The following PTPRJ variants were observed in gnomAD, a reference collection of about 807,000 sequenced individuals.
The protein encoded by PTPRJ is receptor-type tyrosine-protein phosphatase eta.
A neutral mutation model predicts 141.3 loss-of-function variants in PTPRJ; 129 were observed. That is an observed-to-expected ratio of 0.91 (90% CI 0.79 to 1.06). PTPRJ has a LOEUF of 1.06. Ranked by LOEUF, PTPRJ falls within the 50% of genes least tolerant of loss-of-function variation. The pLI, the probability that PTPRJ is intolerant of heterozygous loss-of-function variation, is 0.00. For missense variants in PTPRJ, 1,601 were observed against 1,679.7 expected (o/e 0.95, Z 0.82); for synonymous variants, 610 against 640.5 (o/e 0.95, Z 0.72).
At position 48,130,076 on chromosome 11, in the gene PTPRJ, A is replaced by G. The variant is rs78086641; in HGVS notation, c.1358-383A>G. 2.6e-3 allele frequency among the ~76,000 whole-genome samples: 395 copies of G among 151,170 alleles called. 1 individual carries two copies. Among genetic ancestry groups the G allele is most frequent in the Non-Finnish European group, 4.4e-3 (301 of 67,868 alleles). On this transcript the variant is annotated intron_variant, in intron 7 of 24. Coordinates refer to ENST00000418331, the MANE Select transcript of PTPRJ (RefSeq NM_002843.4). ...GGGGGAATGGATTTTGGGGGTCAAGACTGGTCTCTCTCTGCTGTCCCTCCC... is the reference window on the plus strand; with the variant it reads ...GGGGGAATGGATTTTGGGGGTCAAGGCTGGTCTCTCTCTGCTGTCCCTCCC...
intron 1 of PTPRJ, among the ~76,000 whole-genome samples, chr11:47,990,226 A>C (rs1258278355): frequency 6.6e-6 from 1 of 152,150 alleles, no homozygotes; most frequent in African/African-American, 2.4e-5. Flanking sequence ...AATACTCTCC[A>C]AGATATCTAA....
intron 1 of PTPRJ, among the ~76,000 whole-genome samples, chr11:47,988,506 T>C (rs1373624587): frequency 6.6e-6 from 1 of 152,044 alleles, no homozygotes; most frequent in African/African-American, 2.4e-5. Flanking sequence ...CCACCATGCC[T>C]GACCATGACT....
At chr11:48,118,519 A>C (rs139428585) in intron 3 of PTPRJ, among the ~76,000 whole-genome samples, 4 of 152,364 alleles carry the variant, frequency 2.6e-5, no homozygotes, top group African/African-American at 9.6e-5. Flanking sequence ...GATACAACCC[A>C]AAACACTATA....
intron 18 of PTPRJ, among the ~76,000 whole-genome samples, chr11:48,153,272 C>T (rs146480860): frequency 2.2e-4 from 12 of 53,534 alleles, no homozygotes; most frequent in Non-Finnish European, 3.2e-4. Flanking sequence ...TGGTGGCTCA[C>T]GCCTGTAATC....
intron 1 of PTPRJ, among the ~76,000 whole-genome samples, chr11:48,023,108 G>A (rs1403506520): frequency 2.0e-5 from 3 of 152,142 alleles, no homozygotes; most frequent in African/African-American, 7.2e-5. Flanking sequence ...TCCTTATTTG[G>A]ATAAGGCAAC....
At chr11:48,113,658 T>A (rs1215774222) in intron 3 of PTPRJ, among the ~76,000 whole-genome samples, 1 of 152,186 alleles carries the variant, frequency 6.6e-6, no homozygotes, top group Non-Finnish European at 1.5e-5. Flanking sequence ...TCTTTCAAGG[T>A]ATTTCTGGGT....
chr11:48,165,290 A>G (rs917952503), intron 24 of PTPRJ, among the ~76,000 whole-genome samples: 1 of 152,216 alleles, frequency 6.6e-6, no homozygotes, highest in Non-Finnish European at 1.5e-5. Flanking sequence ...ATCCTCACCC[A>G]GACTTGTACA....
intron 1 of PTPRJ, among the ~76,000 whole-genome samples, chr11:48,008,589 A>C (rs1854687069): frequency 7.8e-6 from 1 of 127,932 alleles, no homozygotes; most frequent in South Asian, 2.5e-4. Context: ...TTTGAGTTGA[A>C]GTTTTGCTCT....
intron 1 of PTPRJ, among the ~76,000 whole-genome samples, chr11:47,981,420 C>T (rs1222476074): frequency 6.6e-6 from 1 of 152,102 alleles, no homozygotes; most frequent in African/African-American, 2.4e-5. Context: ...TGAGCCTTTG[C>T]CGACAGACCT....
intron 9 of PTPRJ, among the ~76,000 whole-genome samples, 180 bp from the exon 10 acceptor site, chr11:48,136,823 T>C (rs1857112063): frequency 1.3e-5 from 2 of 152,214 alleles, no homozygotes; most frequent in Admixed American, 1.3e-4. Context: ...TTTTGAGACT[T>C]AATCTGTATA....
At chr11:48,045,073 C>G (rs759574155) in intron 1 of PTPRJ, among the ~76,000 whole-genome samples, 35 of 152,150 alleles carry the variant, frequency 2.3e-4, no homozygotes, top group Non-Finnish European at 4.9e-4. Flanking sequence ...TTCCTCTTTT[C>G]CCCCGTAATT....
intron 1 of PTPRJ, among the ~76,000 whole-genome samples, chr11:48,013,525 T>C (rs1198800875): frequency 6.6e-6 from 1 of 152,134 alleles, no homozygotes; most frequent in Admixed American, 6.5e-5. Context: ...CTAGGGAAGC[T>C]CTGTGGTATG....
At chr11:48,156,630 G>T (rs1857614054) in intron 21 of PTPRJ, among the ~76,000 whole-genome samples, 3 of 138,842 alleles carry the variant, frequency 2.2e-5, no homozygotes, top group Admixed American at 7.8e-5. Flanking sequence ...GGTCTCCTCT[G>T]TCAGCCAGCC....
intron 21 of PTPRJ, among the ~76,000 whole-genome samples, chr11:48,159,212 G>A (rs1172549476): frequency 2.0e-5 from 3 of 150,410 alleles, no homozygotes; most frequent in Non-Finnish European, 4.4e-5. Flanking sequence ...GGTGTTTCCT[G>A]GTTATTTCTG....
At chr11:48,124,137 T>C (rs1856779578) in intron 5 of PTPRJ, among the ~76,000 whole-genome samples, 1 of 152,206 alleles carries the variant, frequency 6.6e-6, no homozygotes. Context: ...GAGGCCCCTT[T>C]AGCTTTCTAT....
intron 1 of PTPRJ, among the ~76,000 whole-genome samples, chr11:47,998,001 G>A (rs1854389688): frequency 6.6e-6 from 1 of 152,140 alleles, no homozygotes. Context: ...GAGTGAGGTA[G>A]GATTTGCTTT....
rs778152808 is a variant in PTPRJ at position 48,149,474 on chromosome 11, C to T, written c.3027C>T (p.Ser1009=). 5 of 1,515,644 alleles carry T rather than the reference C, an allele frequency of 3.3e-6. No individual in the cohort carries two copies. Among genetic ancestry groups the T allele is most frequent in the African/African-American group, 1.4e-5 (1 of 71,744 alleles). 93.9% of individuals were successfully genotyped at this position (1,515,644 alleles called of 1,614,324 possible). A position where few individuals can be genotyped will look rare whatever the true frequency, so the allele number is the denominator to read the frequency against. ...KRKDAKNNEV[S]FSQIKPKKSK... ...AAGATGCAAAGAATAATGAAGTGTC[C>T]TTTTCTCAAATTAAGTAAGTCTCTC... Residue 1009 remains serine, a synonymous_variant, in exon 16 of 25, where the codon TCC becomes TCT. Transcript: ENST00000418331.
At chr11:48,145,778 C>T (rs1179846518) in intron 14 of PTPRJ, among the ~76,000 whole-genome samples, 2 of 151,174 alleles carry the variant, frequency 1.3e-5, no homozygotes, top group African/African-American at 4.9e-5. Flanking sequence ...AGGCTGGTCT[C>T]GAACTCCTGA....
chr11:48,056,322 GT>G (rs1038947698), intron 1 of PTPRJ, among the ~76,000 whole-genome samples: 1 of 152,142 alleles, frequency 6.6e-6, no homozygotes, highest in Non-Finnish European at 1.5e-5. Context: ...CCTCTTAGTT[GT>G]GTGAGCTCTC....
Sources: gnomAD v4.1 joint callset for allele counts (sites outside exome capture counted in the v4.1 genomes callset) on GRCh38, gnomAD v4.1.1 for gene constraint, MANE v1.5 for transcripts, NCBI Gene and HGNC (gene_info 2026-07-23, HGNC 2026-07-21) for gene names.